Variants in ZNF738 observed in about 807,000 individuals in gnomAD.
ZNF738 encodes the protein zinc finger protein 738.
A neutral mutation model predicts 9.2 loss-of-function variants in ZNF738; 10 were observed. The ratio of observed to expected loss-of-function variants is 1.09; its 90% CI spans 0.67 to 1.85. ZNF738 has a LOEUF of 1.85. Among genes scored for constraint, ZNF738 ranks in the 40% most tolerant of loss-of-function variants. ZNF738 has a pLI of 0.00. For missense variants in ZNF738, 346 were observed against 283.6 expected, an observed-to-expected ratio of 1.22 and a Z score of -1.58; for synonymous variants, 113 against 94.5, an observed-to-expected ratio of 1.20 and a Z score of -1.14.
chr19:21,375,508 G>T, intron 3 of ZNF738, 144 bp downstream of exon 3: 1 of 525,952 alleles, frequency 1.9e-6, no homozygotes, highest in South Asian at 3.0e-5. Flanking sequence ...AATTATCCAT[G>T]CAGAAAAAAA....
Position 21,378,155 on chromosome 19 carries a change from A to G in ZNF738, c.319+2191A>G, listed in dbSNP as rs73547779. 3,009 of 385,690 alleles carry G rather than the reference A, an allele frequency of 7.8e-3. 71 individuals are homozygous for G. The highest frequency in any genetic ancestry group is 0.05 in the African/African-American group (2,400 of 48,412). The allele number at this position is 385,690 out of a possible 1,614,324, so 23.9% of individuals were successfully genotyped here. A position where few individuals can be genotyped will look rare whatever the true frequency, so the allele number is the denominator to read the frequency against. Reference sequence around the variant, plus strand: ...TCTCAGATTTGTTCTTGATGTTGCTAATTATATTTTTATATGTATATTTAT... The same window carrying G: ...TCTCAGATTTGTTCTTGATGTTGCTGATTATATTTTTATATGTATATTTAT... On this transcript the variant is annotated intron_variant, in intron 4 of 4. Transcript: ENST00000683779.
rs1401749795 is a variant in ZNF738, at chr19:21,361,844, T to C, written c.82T>C (p.Ser28Pro). ...GGCTGAGAGGAATCTTCTGGAGTACTCTTATTTTGAAAAGGTAACCCCTTG... is the reference window on the plus strand; with the variant it reads ...GGCTGAGAGGAATCTTCTGGAGTACCCTTATTTTGAAAAGGTAACCCCTTG... ...PGAERNLLEY[S>P]YFEKGPLTFR... The change falls in exon 2 of 5, where the codon TCT becomes CCT. Residue 28 changes from serine to proline, a missense_variant. Transcript: ENST00000683779. 2 of 780,028 alleles carry C rather than the reference T, an allele frequency of 2.6e-6. No individual in the cohort carries two copies. The highest frequency in any genetic ancestry group is 3.4e-5 in the African/African-American group (2 of 59,070). 48.3% of individuals were successfully genotyped at this position (780,028 alleles called of 1,614,324 possible).
chr19:21,375,853 A>T lies in ZNF738; in HGVS notation c.224-16A>T, dbSNP rs559523427. The stretch of plus-strand genomic sequence containing the variant: ...AATATGAGCAAGATTCATGTTATTT[A>T]TTTTTAATAAATCAGGTATTGATGT... On this transcript the variant is annotated splice_polypyrimidine_tract_variant and intron_variant, in intron 3 of 4. Transcript: ENST00000683779. The T allele has an allele frequency of 1.9e-5, 15 of 777,614 alleles. No individual in the cohort carries two copies. The Admixed American group carries it at 2.6e-4, about 13-fold the overall frequency. 48.2% of individuals were successfully genotyped at this position (777,614 alleles called of 1,614,324 possible). A position where few individuals can be genotyped will look rare whatever the true frequency, so the allele number is the denominator to read the frequency against.
chr19:21,361,183 G>C (rs995865707), intron 1 of ZNF738, among the ~76,000 whole-genome samples: 1 of 151,562 alleles, frequency 6.6e-6, no homozygotes, highest in Non-Finnish European at 1.5e-5. Flanking sequence ...TGTTGCCCAG[G>C]CTGGAGTACA....
At position 21,359,743 on chromosome 19, in the gene ZNF738, GGCGGGCGCCTGTAGTCCCA is replaced by G. The variant is rs547241490; in HGVS notation, c.3+603_3+621del. Reference sequence around the variant, plus strand: ...ATACAAAAAATGAGCCGGGCGTGGTGGCGGGCGCCTGTAGTCCCAGCTACTCAGGAGGCTGAGGCAGGAG... The same window carrying G: ...ATACAAAAAATGAGCCGGGCGTGGTGGCTACTCAGGAGGCTGAGGCAGGAG... On this transcript the variant is annotated intron_variant, in intron 1 of 4. Coordinates refer to ENST00000683779, the MANE Select transcript of ZNF738 (RefSeq NM_001355237.2). Among the ~76,000 whole-genome samples, 74 of 150,812 alleles carry G rather than the reference GGCGGGCGCCTGTAGTCCCA, an allele frequency of 4.9e-4. No homozygotes were observed. The South Asian group carries it at 0.015, about 30-fold the overall frequency.
Position 21,384,501 on chromosome 19 carries a change from A to G in ZNF738, c.*827A>G, listed in dbSNP as rs150798174. ...GATTCATACTGGAGAGAGACCCTAC[A>G]AACATGAAGAAAGTGGCAAAGCTTT... On this transcript the variant is annotated 3_prime_UTR_variant, in exon 5 of 5. Coordinates refer to ENST00000683779, the MANE Select transcript of ZNF738 (RefSeq NM_001355237.2). Among the ~76,000 whole-genome samples, 2,113 of 152,302 alleles carry G rather than the reference A, an allele frequency of 0.014. 21 individuals carry two copies. The highest frequency in any genetic ancestry group is 0.024 in the Non-Finnish European group (1,601 of 68,014).
chr19:21,378,606 C>CTTT (rs11352402), intron 4 of ZNF738: 588 of 263,536 alleles, frequency 2.2e-3, no homozygotes, highest in South Asian at 5.1e-3. Context: ...AATAATATCA[C>CTTT]TTTTTTTTTT....
rs1974076796 is a variant in ZNF738 at position 21,387,107 on chromosome 19, C to T, written c.*3433C>T. Reference sequence around the variant, plus strand: ...GCTTTTGACAACACCTCAAGCTTTTCTAACCATAAAAAGAATCATATTGGT... The same window carrying T: ...GCTTTTGACAACACCTCAAGCTTTTTTAACCATAAAAAGAATCATATTGGT... On this transcript the variant is annotated 3_prime_UTR_variant, in exon 5 of 5. Coordinates refer to ENST00000683779, the MANE Select transcript of ZNF738 (RefSeq NM_001355237.2). The T allele has an allele frequency of 1.9e-5, 3 of 153,926 alleles. No individual in the cohort carries two copies. In the South Asian group the frequency reaches 6.2e-4, roughly 32 times the overall value. 9.5% of individuals were successfully genotyped at this position (153,926 alleles called of 1,614,324 possible).
rs1974083153 is a variant in ZNF738 at position 21,387,713 on chromosome 19, TCAGAA to T, written c.*4040_*4044del. 1.3e-5 allele frequency among the ~76,000 whole-genome samples: 2 copies of T among 152,170 alleles called. No individual in the cohort carries two copies. Among genetic ancestry groups the T allele is most frequent in the African/African-American group, 4.8e-5 (2 of 41,448 alleles). On this transcript the variant is annotated 3_prime_UTR_variant, in exon 5 of 5. Coordinates refer to ENST00000683779, the MANE Select transcript of ZNF738 (RefSeq NM_001355237.2). Reference sequence around the variant, plus strand: ...AGGGCAATTACTGTCAAAAGGTCTTTCAGAAAAATATAACCCTTTAAAGTGAAGAA... The same window carrying T: ...AGGGCAATTACTGTCAAAAGGTCTTTAAATATAACCCTTTAAAGTGAAGAA...
chr19:21,359,269 GC>G, intron 1 of ZNF738, 126 bp downstream of exon 1: 1 of 794,226 alleles, frequency 1.3e-6, no homozygotes, highest in Non-Finnish European at 2.3e-6. Flanking sequence ...AGTTCTCCTT[GC>G]CCAGCTCGGC....
intron 2 of ZNF738, 80 bp from the exon 3 acceptor site, chr19:21,375,156 ACT>A (rs1334523665): frequency 1.4e-6 from 1 of 726,848 alleles, no homozygotes. Flanking sequence ...AATTTTCTTT[ACT>A]CTCTCATTTA....
At chr19:21,376,678 GAGACTAC>G (rs1268706524) in intron 4 of ZNF738, among the ~76,000 whole-genome samples, 2 of 152,092 alleles carry the variant, frequency 1.3e-5, no homozygotes, top group African/African-American at 4.8e-5. Context: ...CCGAGTAGCT[GAGACTAC>G]AGGCATGCAC....
rs567426602 is a variant in ZNF738, at chr19:21,385,087, A to C, written c.*1413A>C. Among the ~76,000 whole-genome samples the C allele has an allele frequency of 6.6e-6, 1 of 152,220 alleles. No individual in the cohort carries two copies. Among genetic ancestry groups the C allele is most frequent in the Non-Finnish European group, 1.5e-5 (1 of 68,040 alleles). ...AGAGTTTGACTGGGTGCGGTGGCTC[A>C]TGCCTGTAATCCCAGCACTTTGGGA... On this transcript the variant is annotated 3_prime_UTR_variant, in exon 5 of 5. Coordinates refer to ENST00000683779, the MANE Select transcript of ZNF738 (RefSeq NM_001355237.2).
Position 21,384,009 on chromosome 19 carries a change from T to A in ZNF738, c.*335T>A. ...AGAGAAACCCTACAAATGTGAAGAA[T>A]GTGGCAAAGCTTTCTACCGATTCAT... On this transcript the variant is annotated 3_prime_UTR_variant, in exon 5 of 5. Coordinates refer to ENST00000683779, the MANE Select transcript of ZNF738 (RefSeq NM_001355237.2). 1.3e-6 allele frequency: 2 copies of A among 1,505,110 alleles called. No homozygotes were observed. The highest frequency in any genetic ancestry group is 1.8e-6 in the Non-Finnish European group (2 of 1,085,198). 93.2% of individuals were successfully genotyped at this position (1,505,110 alleles called of 1,614,324 possible).
chr19:21,382,122 A>G (rs1369670290), intron 4 of ZNF738, among the ~76,000 whole-genome samples: 5 of 131,462 alleles, frequency 3.8e-5, no homozygotes, highest in Non-Finnish European at 4.6e-5. Context: ...CTAGAGTGCA[A>G]TGGTGTGATT....
At chr19:21,362,091 A>G (rs2928214) in intron 2 of ZNF738, among the ~76,000 whole-genome samples, 12 of 49,482 alleles carry the variant, frequency 2.4e-4, no homozygotes, top group African/African-American at 1.5e-3. Context: ...TAATAATAAT[A>G]ATAATGATAA....
intron 2 of ZNF738, among the ~76,000 whole-genome samples, chr19:21,365,827 C>T (rs571895674): frequency 7.5e-4 from 114 of 151,928 alleles, no homozygotes; most frequent in African/African-American, 2.5e-3. Flanking sequence ...CATGGTAGGG[C>T]GCGCCTATAA....
intron 2 of ZNF738, among the ~76,000 whole-genome samples, chr19:21,370,635 T>G (rs2170025): frequency 0.6 from 91,543 of 151,986 alleles, 28,383 homozygotes; most frequent in African/African-American, 0.76. Flanking sequence ...TTGCTCCAAG[T>G]TTACAATCCT....
intron 4 of ZNF738, chr19:21,377,719 A>G (rs1415828888): frequency 1.1e-5 from 4 of 370,816 alleles, no homozygotes; most frequent in Non-Finnish European, 1.9e-5. Context: ...GCAATGTCTA[A>G]ATCTATCTTG....
Sources: allele counts gnomAD v4.1 joint callset (sites outside exome capture counted in the v4.1 genomes callset), GRCh38; gene constraint gnomAD v4.1.1; transcripts MANE v1.5; gene names NCBI Gene and HGNC (gene_info 2026-07-23, HGNC 2026-07-21).